NRCAM: variants seen among roughly 807,000 people sequenced by gnomAD.
NRCAM encodes the protein neuronal cell adhesion molecule.
In NRCAM, 83 loss-of-function variants were observed where a neutral mutation model predicts 156.5. That is an observed-to-expected ratio of 0.53 (90% confidence interval 0.44 to 0.64). The LOEUF (loss-of-function observed/expected upper bound fraction) is 0.64, where lower values mean the gene tolerates loss of function less well. NRCAM is among the 30% of genes least tolerant of loss of function. NRCAM has a pLI of 0.00. For missense variants in NRCAM, 1,417 were observed against 1,597.3 expected, an observed-to-expected ratio of 0.89 and a Z score of 1.92; for synonymous variants, 538 against 563.9, an observed-to-expected ratio of 0.95 and a Z score of 0.65.
chr7:108,455,045 T>C (rs867922914), intron 1 of NRCAM, among the ~76,000 whole-genome samples: 122 of 151,926 alleles, frequency 8.0e-4, no homozygotes, highest in African/African-American at 2.8e-3. Context: ...GGGACGAAGA[T>C]GTGGCCGCGG....
chr7:108,232,594 A>C, intron 6 of NRCAM, 72 bp from the exon 7 acceptor site: 1 of 1,051,820 alleles, frequency 9.5e-7, no homozygotes, highest in South Asian at 1.7e-5. Flanking sequence ...AATTCCTAGC[A>C]GTTTTATGGG....
intron 30 of NRCAM, among the ~76,000 whole-genome samples, chr7:108,161,643 G>A (rs1305876054): frequency 6.6e-6 from 1 of 152,008 alleles, no homozygotes; most frequent in Non-Finnish European, 1.5e-5. Flanking sequence ...TGTGATCTCT[G>A]GATGCAGAAA....
At chr7:108,256,979 A>G (rs950450458) in intron 3 of NRCAM, among the ~76,000 whole-genome samples, 2 of 144,108 alleles carry the variant, frequency 1.4e-5, no homozygotes, top group African/African-American at 5.0e-5. Flanking sequence ...ACTGAACTCC[A>G]GCCTGGGTGG....
chr7:108,280,054 T>G (rs1198079994), intron 3 of NRCAM, among the ~76,000 whole-genome samples: 1 of 152,130 alleles, frequency 6.6e-6, no homozygotes, highest in Non-Finnish European at 1.5e-5. Flanking sequence ...AAATCTTAGG[T>G]CTCTCCAGGT....
intron 2 of NRCAM, among the ~76,000 whole-genome samples, chr7:108,319,056 G>T (rs193258536): frequency 6.6e-6 from 1 of 152,224 alleles, no homozygotes; most frequent in East Asian, 1.9e-4. Flanking sequence ...TTCTAAGATG[G>T]ATATGATAAT....
chr7:108,208,173 G>A (rs531570606), intron 12 of NRCAM, among the ~76,000 whole-genome samples: 1 of 151,972 alleles, frequency 6.6e-6, no homozygotes, highest in Non-Finnish European at 1.5e-5. Context: ...AGGTGTGGTG[G>A]TGGGCACCTG....
At chr7:108,312,087 G>A (rs186160802) in intron 3 of NRCAM, among the ~76,000 whole-genome samples, 13 of 152,238 alleles carry the variant, frequency 8.5e-5, no homozygotes, top group Admixed American at 8.5e-4. Context: ...TGATAATGCT[G>A]AATGGCATAA....
At chr7:108,159,325 T>C (rs2047424126) in intron 32 of NRCAM, 138 bp downstream of exon 32, 8 of 787,482 alleles carry the variant, frequency 1.0e-5, no homozygotes, top group Non-Finnish European at 1.8e-5. Flanking sequence ...ATGTAAACAC[T>C]GATACATGGA....
At chr7:108,406,556 T>C (rs2099808036) in intron 1 of NRCAM, among the ~76,000 whole-genome samples, 1 of 152,210 alleles carries the variant, frequency 6.6e-6, no homozygotes, top group Non-Finnish European at 1.5e-5. Flanking sequence ...TTGAAGCTTT[T>C]CTGAAATGGC....
intron 2 of NRCAM, among the ~76,000 whole-genome samples, chr7:108,367,484 A>G (rs1389747894): frequency 6.6e-6 from 1 of 152,110 alleles, no homozygotes; most frequent in Non-Finnish European, 1.5e-5. Flanking sequence ...AACCACTAAC[A>G]TATTTGTTTT....
rs71137620 is a variant in NRCAM at position 108,254,551 on chromosome 7, C to CTTTTTTTTT, written c.-106-14390_-106-14382dup. On this transcript the variant is annotated intron_variant, in intron 3 of 32. Coordinates refer to ENST00000379028, the MANE Select transcript of NRCAM (RefSeq NM_001037132.4). Reference sequence around the variant, plus strand: ...TAGCCATTCTGAAAAAACAATTTTGCTTTTTTTTTTTTTTTGAGATGGAAC... The same window carrying CTTTTTTTTT: ...TAGCCATTCTGAAAAAACAATTTTGCTTTTTTTTTTTTTTTTTTTTTTTTGAGATGGAAC... Among the ~76,000 whole-genome samples the CTTTTTTTTT allele has an allele frequency of 2.6e-3, 343 of 130,290 alleles. 12 individuals carry two copies. The highest frequency in any genetic ancestry group is 0.01 in the African/African-American group (329 of 32,334). The allele number at this position is 130,290 out of a possible 152,430, so 85.5% of individuals were successfully genotyped here.
chr7:108,253,851 C>G (rs1197219129), intron 3 of NRCAM, among the ~76,000 whole-genome samples: 1 of 152,070 alleles, frequency 6.6e-6, no homozygotes, highest in African/African-American at 2.4e-5. Flanking sequence ...CTGTGCTCAG[C>G]AGCAGGGATG....
intron 1 of NRCAM, among the ~76,000 whole-genome samples, chr7:108,436,369 C>G (rs1295930214): frequency 6.6e-6 from 1 of 152,098 alleles, no homozygotes; most frequent in Non-Finnish European, 1.5e-5. Context: ...ATTAGATATT[C>G]TAATATAGAA....
At chr7:108,246,583 G>A (rs1333506592) in intron 3 of NRCAM, among the ~76,000 whole-genome samples, 2 of 152,128 alleles carry the variant, frequency 1.3e-5, no homozygotes, top group Non-Finnish European at 2.9e-5. Context: ...AATAGAAACA[G>A]AAACAGAGAA....
At chr7:108,336,218 G>A (rs2099188164) in intron 2 of NRCAM, among the ~76,000 whole-genome samples, 1 of 152,188 alleles carries the variant, frequency 6.6e-6, no homozygotes, top group Non-Finnish European at 1.5e-5. Context: ...AGGACCTTAA[G>A]CTTCTTCTAC....
intron 1 of NRCAM, among the ~76,000 whole-genome samples, chr7:108,422,126 C>T (rs1407622253): frequency 6.6e-6 from 1 of 152,164 alleles, no homozygotes; most frequent in East Asian, 1.9e-4. Context: ...GAGTATGCTC[C>T]TCCCTTCTGT....
intron 26 of NRCAM, among the ~76,000 whole-genome samples, chr7:108,177,226 C>A (rs1448411353): frequency 6.6e-6 from 1 of 152,104 alleles, no homozygotes; most frequent in Admixed American, 6.5e-5. Flanking sequence ...TGTTCTCACT[C>A]ATAGGTGAAA....
chr7:108,426,172 G>A (rs1817038923), intron 1 of NRCAM, among the ~76,000 whole-genome samples: 1 of 152,226 alleles, frequency 6.6e-6, no homozygotes, highest in Non-Finnish European at 1.5e-5. Flanking sequence ...ACATGAAGCA[G>A]AATGTGGTTA....
At chr7:108,397,874 G>A (rs2158849) in intron 2 of NRCAM, among the ~76,000 whole-genome samples, 144,142 of 152,216 alleles carry the variant, frequency 0.95, 68,300 homozygotes, top group East Asian at 1. Context: ...TCTCTAGGAA[G>A]AAAAATCCTA....
Sources: gnomAD v4.1 joint callset for allele counts (sites outside exome capture counted in the v4.1 genomes callset) on GRCh38, gnomAD v4.1.1 for gene constraint, MANE v1.5 for transcripts, NCBI Gene and HGNC (gene_info 2026-07-23, HGNC 2026-07-21) for gene names.